The following TBCK variants were observed in gnomAD, a reference collection of about 807,000 sequenced individuals.
TBCK encodes TBC domain-containing protein kinase-like protein.
Under a neutral mutation model 113.4 loss-of-function variants are expected in TBCK, and 99 were observed. The observed-to-expected ratio is 0.87, with a 90% confidence interval of 0.74 to 1.03. The LOEUF is 1.03. Among genes scored for constraint, TBCK ranks in the 50% least tolerant of loss-of-function variants. The probability of loss-of-function intolerance (pLI) is 0.00; values close to 1 mark genes in which losing one functional copy is unlikely to be tolerated. For missense variants in TBCK, 1,045 were observed against 1,061.3 expected (o/e 0.98, Z 0.21); for synonymous variants, 369 against 370.8 (o/e 1.00, Z 0.05).
intron 1 of TBCK, among the ~76,000 whole-genome samples, chr4:106,312,249 G>T (rs539878684): frequency 6.6e-6 from 1 of 151,826 alleles, no homozygotes; most frequent in South Asian, 2.1e-4. Flanking sequence ...ACCTGTATTC[G>T]GAGTCTATAA....
intron 2 of TBCK, among the ~76,000 whole-genome samples, chr4:106,300,844 T>G (rs990149411): frequency 2.2e-4 from 34 of 152,182 alleles, no homozygotes; most frequent in African/African-American, 8.2e-4. Context: ...CTCACACCTA[T>G]AATCCCAGCT....
At chr4:106,290,419 G>T (rs182445434) in intron 3 of TBCK, among the ~76,000 whole-genome samples, 1 of 151,876 alleles carries the variant, frequency 6.6e-6, no homozygotes, top group Non-Finnish European at 1.5e-5. Flanking sequence ...CTCGTGATCC[G>T]CCCACCTTGG....
chr4:106,297,958 T>A (rs924891199), intron 2 of TBCK, among the ~76,000 whole-genome samples: 3 of 152,216 alleles, frequency 2.0e-5, no homozygotes, highest in Non-Finnish European at 4.4e-5. Flanking sequence ...GTGTGGCACA[T>A]AACAAGCAAT....
At chr4:106,221,432 C>A (rs1366364843) in intron 19 of TBCK, among the ~76,000 whole-genome samples, 1 of 151,790 alleles carries the variant, frequency 6.6e-6, no homozygotes, top group African/African-American at 2.4e-5. Context: ...ATTTGTAAAA[C>A]TAGCATAAGT....
chr4:106,100,354 G>A (rs949423770), intron 24 of TBCK, among the ~76,000 whole-genome samples: 1 of 151,182 alleles, frequency 6.6e-6, no homozygotes, highest in African/African-American at 2.5e-5. Context: ...ATGCTAAGGT[G>A]CCTTCTGGCC....
chr4:106,249,211 T>C (rs1443295320), intron 7 of TBCK, among the ~76,000 whole-genome samples: 1 of 152,168 alleles, frequency 6.6e-6, no homozygotes, highest in Non-Finnish European at 1.5e-5. Flanking sequence ...CTTAAATAGT[T>C]TGATAAAGGA....
intron 24 of TBCK, among the ~76,000 whole-genome samples, chr4:106,111,871 C>T (rs1394350310): frequency 6.6e-6 from 1 of 152,034 alleles, no homozygotes. Flanking sequence ...CTGGATTTGC[C>T]CCACCTTGGA....
intron 22 of TBCK, among the ~76,000 whole-genome samples, chr4:106,181,654 G>A (rs1479360257): frequency 6.6e-6 from 1 of 152,050 alleles, no homozygotes; most frequent in Non-Finnish European, 1.5e-5. Context: ...GTGTGTGTCA[G>A]GTTTGTTAAA....
intron 20 of TBCK, among the ~76,000 whole-genome samples, chr4:106,198,607 C>G (rs751273686): frequency 2.6e-5 from 4 of 152,022 alleles, no homozygotes; most frequent in Non-Finnish European, 5.9e-5. Flanking sequence ...ATACCTATCC[C>G]ACTATGCTTT....
At chr4:106,291,504 A>G (rs576506975) in intron 3 of TBCK, among the ~76,000 whole-genome samples, 1 of 152,338 alleles carries the variant, frequency 6.6e-6, no homozygotes, top group East Asian at 1.9e-4. Context: ...CAGCTATCCA[A>G]TGAAGCCATA....
intron 19 of TBCK, among the ~76,000 whole-genome samples, chr4:106,217,382 A>G (rs1757081727): frequency 6.6e-6 from 1 of 152,212 alleles, no homozygotes; most frequent in Admixed American, 6.5e-5. Context: ...ATTAGGCAGG[A>G]GAAGGAAATA....
chr4:106,093,330 C>T lies in TBCK; in HGVS notation c.2571+2152G>A, dbSNP rs145002895. Among the ~76,000 whole-genome samples, 181 of 152,248 alleles carry T rather than the reference C, an allele frequency of 1.2e-3. 1 individual carries two copies. Among genetic ancestry groups the T allele is most frequent in the African/African-American group, 4.0e-3 (168 of 41,546 alleles). ...GACCACCCTGTCTAACATGGTGAAA[C>T]CCCGTCTCTACTAAAAATACGAAAA... On this transcript the variant is annotated intron_variant, in intron 25 of 25. Coordinates refer to ENST00000394708, the MANE Select transcript of TBCK (RefSeq NM_001163435.3).
At chr4:106,116,491 A>C in intron 23 of TBCK, 113 bp from the exon 24 acceptor site, 1 of 897,404 alleles carries the variant, frequency 1.1e-6, no homozygotes, top group Non-Finnish European at 1.7e-6. Context: ...AGAAGAGGAA[A>C]CTATCTAATT....
chr4:106,076,429 AAAT>A (rs1412199274), intron 25 of TBCK, among the ~76,000 whole-genome samples: 1 of 152,230 alleles, frequency 6.6e-6, no homozygotes, highest in Non-Finnish European at 1.5e-5. Flanking sequence ...TAGCAGTAAA[AAAT>A]AATAATTTAA....
At chr4:106,088,939 C>A (rs921677243) in intron 25 of TBCK, among the ~76,000 whole-genome samples, 1 of 151,664 alleles carries the variant, frequency 6.6e-6, no homozygotes, top group African/African-American at 2.4e-5. Flanking sequence ...TGCTGGTGGG[C>A]GAGGGAAGGG....
intron 22 of TBCK, among the ~76,000 whole-genome samples, chr4:106,176,479 A>G (rs1434288045): frequency 1.3e-5 from 2 of 152,062 alleles, no homozygotes; most frequent in African/African-American, 4.8e-5. Flanking sequence ...GATGACCTCC[A>G]ATTACATCCA....
chr4:106,232,677 A>T (rs943955008), intron 17 of TBCK, among the ~76,000 whole-genome samples: 7 of 152,018 alleles, frequency 4.6e-5, no homozygotes, highest in African/African-American at 1.7e-4. Context: ...GTATCCACAA[A>T]GATCACAACA....
intron 24 of TBCK, among the ~76,000 whole-genome samples, chr4:106,115,680 T>C (rs191559405): frequency 4.3e-4 from 66 of 152,330 alleles, no homozygotes; most frequent in Admixed American, 9.1e-4. Flanking sequence ...TAACTCTTCA[T>C]ACTCTAATGC....
At position 106,099,493 on chromosome 4, in the gene TBCK, G is replaced by A. The variant is rs111773985; in HGVS notation, c.2412-3852C>T. 5.4e-3 allele frequency among the ~76,000 whole-genome samples: 815 copies of A among 152,024 alleles called. 5 individuals are homozygous for A. Among genetic ancestry groups the A allele is most frequent in the African/African-American group, 0.019 (779 of 41,498 alleles). On this transcript the variant is annotated intron_variant, in intron 24 of 25. Transcript: ENST00000394708. The stretch of plus-strand genomic sequence containing the variant: ...GTTTTACCTTTAGTATATCAACAGC[G>A]AAAAAGAAATATGAAATTAAACCCA...
Sources: gnomAD v4.1 joint callset for allele counts (sites outside exome capture counted in the v4.1 genomes callset) on GRCh38, gnomAD v4.1.1 for gene constraint, MANE v1.5 for transcripts, NCBI Gene and HGNC (gene_info 2026-07-23, HGNC 2026-07-21) for gene names.